AUTS2: variants seen among roughly 807,000 people sequenced by gnomAD.
AUTS2 encodes autism susceptibility gene 2 protein.
Under a neutral mutation model 112.4 loss-of-function variants are expected in AUTS2, and 17 were observed. That is an observed-to-expected ratio of 0.15 (90% CI 0.10 to 0.23). AUTS2 has a LOEUF of 0.23. Among genes scored for constraint, AUTS2 ranks in the 10% least tolerant of loss-of-function variants. The pLI is 1.00. For missense variants in AUTS2, 1,510 were observed against 1,701.6 expected, an observed-to-expected ratio of 0.89 and a Z score of 1.98; for synonymous variants, 751 against 702.7, an observed-to-expected ratio of 1.07 and a Z score of -1.09.
chr7:69,703,958 T>C (rs1424988895), intron 1 of AUTS2, among the ~76,000 whole-genome samples: 1 of 152,250 alleles, frequency 6.6e-6, no homozygotes, highest in Non-Finnish European at 1.5e-5. Context: ...AATTTTCTTT[T>C]AGAAACAAGT....
intron 4 of AUTS2, among the ~76,000 whole-genome samples, chr7:70,305,274 T>G (rs1789441015): frequency 6.6e-6 from 1 of 152,204 alleles, no homozygotes; most frequent in Non-Finnish European, 1.5e-5. Flanking sequence ...TTTTGTAGGC[T>G]GTCACATTTC....
At chr7:70,768,249 A>C (rs1176033658) in intron 10 of AUTS2, among the ~76,000 whole-genome samples, 181 bp downstream of exon 10, 1 of 152,226 alleles carries the variant, frequency 6.6e-6, no homozygotes, top group Non-Finnish European at 1.5e-5. Flanking sequence ...ATGCAGTATC[A>C]TCTTCTGAAT....
intron 4 of AUTS2, among the ~76,000 whole-genome samples, chr7:70,193,899 G>C (rs906863722): frequency 6.6e-6 from 1 of 152,114 alleles, no homozygotes; most frequent in Non-Finnish European, 1.5e-5. Flanking sequence ...ATATTCTTAT[G>C]ATTTCTCCCT....
At chr7:70,007,520 T>C (rs544943280) in intron 2 of AUTS2, among the ~76,000 whole-genome samples, 10 of 152,292 alleles carry the variant, frequency 6.6e-5, no homozygotes, top group Admixed American at 5.2e-4. Context: ...GTGATGATAA[T>C]GGCATAACCT....
At chr7:69,644,385 G>A (rs935713798) in intron 1 of AUTS2, among the ~76,000 whole-genome samples, 1 of 151,216 alleles carries the variant, frequency 6.6e-6, no homozygotes, top group African/African-American at 2.4e-5. Flanking sequence ...CAGTTTTTGA[G>A]CATTGGACTA....
chr7:69,938,963 T>C (rs531146415), intron 2 of AUTS2, among the ~76,000 whole-genome samples: 2 of 152,224 alleles, frequency 1.3e-5, no homozygotes, highest in South Asian at 2.1e-4. Context: ...TCAAGCTTTA[T>C]GGGAACTGCT....
chr7:70,267,807 G>A (rs1381279135), intron 4 of AUTS2, among the ~76,000 whole-genome samples: 1 of 152,138 alleles, frequency 6.6e-6, no homozygotes, highest in African/African-American at 2.4e-5. Flanking sequence ...TCTCCTTGCT[G>A]CCTGTTTTAA....
At chr7:69,885,671 A>C (rs192316010) in intron 1 of AUTS2, among the ~76,000 whole-genome samples, 238 of 152,302 alleles carry the variant, frequency 1.6e-3, no homozygotes, top group Non-Finnish European at 2.7e-3. Context: ...TGATTTTCTC[A>C]CTTTGGAAAG....
chr7:70,606,942 T>C (rs1241635835), intron 5 of AUTS2, among the ~76,000 whole-genome samples: 1 of 152,062 alleles, frequency 6.6e-6, no homozygotes, highest in Non-Finnish European at 1.5e-5. Context: ...AACACTTTAT[T>C]GTTTCTGTAG....
chr7:70,072,257 G>A (rs988646425), intron 2 of AUTS2, among the ~76,000 whole-genome samples: 2 of 152,070 alleles, frequency 1.3e-5, no homozygotes, highest in African/African-American at 4.8e-5. Context: ...AAAAATCAGA[G>A]TGGATTAGAG....
intron 1 of AUTS2, among the ~76,000 whole-genome samples, chr7:69,836,524 T>G (rs35322474): frequency 0.25 from 38,175 of 152,042 alleles, 4,823 homozygotes; most frequent in Middle Eastern, 0.33. Flanking sequence ...CCTTGTGTGG[T>G]GATTTTTTTT....
At position 69,838,301 on chromosome 7, in the gene AUTS2, TTGATGA is replaced by T. The variant is rs57339468; in HGVS notation, c.310-60968_310-60963del. 6.6e-5 allele frequency among the ~76,000 whole-genome samples: 10 copies of T among 151,814 alleles called. No individual in the cohort carries two copies. The East Asian group carries it at 1.9e-3, about 29-fold the overall frequency. On this transcript the variant is annotated intron_variant, in intron 1 of 18. Coordinates refer to ENST00000342771, the MANE Select transcript of AUTS2 (RefSeq NM_015570.4). Reference sequence around the variant, plus strand: ...AGATAAAGAATCAGGCCTAAAGCGATTGATGATGATGATGATGATGATAGCAGAATC... The same window carrying T: ...AGATAAAGAATCAGGCCTAAAGCGATTGATGATGATGATGATAGCAGAATC...
rs746666474 is a variant in AUTS2, at chr7:70,466,525, C to T, written c.690+30744C>T. On this transcript the variant is annotated intron_variant, in intron 5 of 18. Transcript: ENST00000342771. Reference sequence around the variant, plus strand: ...CAAACAAAATGGGCATGTTCACTGCCCTTAAAATGTAAGGTGAAATACAAC... The same window carrying T: ...CAAACAAAATGGGCATGTTCACTGCTCTTAAAATGTAAGGTGAAATACAAC... Among the ~76,000 whole-genome samples the T allele has an allele frequency of 2.0e-5, 3 of 152,230 alleles. No homozygotes were observed. In the South Asian group the frequency reaches 6.2e-4, roughly 32 times the overall value.
intron 1 of AUTS2, among the ~76,000 whole-genome samples, chr7:69,780,400 TAAAGCCCATTGG>T (rs1789094539): frequency 6.6e-6 from 1 of 152,188 alleles, no homozygotes; most frequent in African/African-American, 2.4e-5. Context: ...CCTTTTCTAT[TAAAGCCCATTGG>T]AGTGATGTAC....
intron 4 of AUTS2, among the ~76,000 whole-genome samples, chr7:70,141,184 G>T (rs2129575413): frequency 6.6e-6 from 1 of 152,252 alleles, no homozygotes; most frequent in East Asian, 1.9e-4. Flanking sequence ...ATAATAGTGT[G>T]GATTGAATTG....
chr7:70,569,705 T>C (rs1332792546), intron 5 of AUTS2, among the ~76,000 whole-genome samples: 1 of 152,234 alleles, frequency 6.6e-6, no homozygotes, highest in African/African-American at 2.4e-5. Flanking sequence ...AACCCTCTCA[T>C]TCATTCCTGT....
chr7:69,729,147 G>A (rs1289042491), intron 1 of AUTS2, among the ~76,000 whole-genome samples: 1 of 151,974 alleles, frequency 6.6e-6, no homozygotes, highest in Non-Finnish European at 1.5e-5. Context: ...AGACAAGAAA[G>A]AGCTTTGATA....
intron 4 of AUTS2, among the ~76,000 whole-genome samples, chr7:70,422,732 C>T (rs764229798): frequency 1.1e-4 from 17 of 152,044 alleles, no homozygotes; most frequent in Non-Finnish European, 1.9e-4. Context: ...GCCAAGATCG[C>T]GCCACTGTGC....
At chr7:70,460,678 C>T (rs181046873) in intron 5 of AUTS2, among the ~76,000 whole-genome samples, 318 of 152,192 alleles carry the variant, frequency 2.1e-3, no homozygotes, top group Non-Finnish European at 3.9e-3. Context: ...GGGTCAGCTT[C>T]GGCTTCCTAT....
Sources: gnomAD v4.1 joint callset for allele counts (sites outside exome capture counted in the v4.1 genomes callset) on GRCh38, gnomAD v4.1.1 for gene constraint, MANE v1.5 for transcripts, NCBI Gene and HGNC (gene_info 2026-07-23, HGNC 2026-07-21) for gene names.